DLG2: variants seen among roughly 807,000 people sequenced by gnomAD.
The protein encoded by DLG2 is discs large MAGUK scaffold protein 2.
A neutral mutation model predicts 132.5 loss-of-function variants in DLG2; 45 were observed. That is an observed-to-expected ratio of 0.34 (90% CI 0.27 to 0.44). DLG2 has a LOEUF of 0.44. Among genes scored for constraint, DLG2 ranks in the 20% least tolerant of loss-of-function variants. The pLI is 1.00. For synonymous variants in DLG2, 424 were observed against 419.6 expected (o/e 1.01, Z -0.13); for missense variants, 1,045 against 1,196.9 (o/e 0.87, Z 1.87).
chr11:83,870,059 A>T (rs2063136369), intron 16 of DLG2, among the ~76,000 whole-genome samples: 1 of 152,190 alleles, frequency 6.6e-6, no homozygotes, highest in Non-Finnish European at 1.5e-5. Context: ...ATCCCTTAAA[A>T]TTCAATTTGT....
At chr11:84,571,473 G>T (rs990729676) in intron 6 of DLG2, among the ~76,000 whole-genome samples, 1 of 151,870 alleles carries the variant, frequency 6.6e-6, no homozygotes, top group Non-Finnish European at 1.5e-5. Context: ...AAAATGAACT[G>T]CTATTTATGA....
At chr11:85,379,033 A>G (rs554529464) in intron 3 of DLG2, among the ~76,000 whole-genome samples, 1 of 152,200 alleles carries the variant, frequency 6.6e-6, no homozygotes, top group Non-Finnish European at 1.5e-5. Flanking sequence ...CAAATAATAC[A>G]TAACTTCAGA....
chr11:84,972,099 C>G (rs1440256481), intron 6 of DLG2, among the ~76,000 whole-genome samples: 2 of 152,046 alleles, frequency 1.3e-5, no homozygotes, highest in Admixed American at 6.6e-5. Flanking sequence ...AACACACACA[C>G]ACTGTTTTAA....
chr11:84,643,395 A>G (rs958423722), intron 6 of DLG2, among the ~76,000 whole-genome samples: 1 of 152,230 alleles, frequency 6.6e-6, no homozygotes, highest in African/African-American at 2.4e-5. Context: ...GCTTCAGAGC[A>G]TGGGATGTAG....
At chr11:83,570,668 G>C (rs1456537883) in intron 19 of DLG2, among the ~76,000 whole-genome samples, 1 of 152,156 alleles carries the variant, frequency 6.6e-6, no homozygotes, top group Non-Finnish European at 1.5e-5. Context: ...CTATGGATGA[G>C]AGTGGGCAGA....
At chr11:85,401,063 G>T (rs895705982) in intron 3 of DLG2, among the ~76,000 whole-genome samples, 1 of 151,728 alleles carries the variant, frequency 6.6e-6, no homozygotes, top group Non-Finnish European at 1.5e-5. Flanking sequence ...CAATAACCCT[G>T]ATGAACATTG....
At chr11:84,630,875 T>C (rs1328979467) in intron 6 of DLG2, among the ~76,000 whole-genome samples, 3 of 152,106 alleles carry the variant, frequency 2.0e-5, no homozygotes, top group Non-Finnish European at 4.4e-5. Flanking sequence ...TAGCATAGCA[T>C]AGCAGCCAGT....
intron 11 of DLG2, among the ~76,000 whole-genome samples, chr11:83,996,689 A>C (rs1052041178): frequency 6.6e-6 from 1 of 152,314 alleles, no homozygotes; most frequent in East Asian, 1.9e-4. Context: ...ACTGGAGATC[A>C]TTATGTTAAG....
chr11:84,547,446 C>A (rs2099392437), intron 6 of DLG2, among the ~76,000 whole-genome samples: 1 of 152,034 alleles, frequency 6.6e-6, no homozygotes. Context: ...CTTTTGTATG[C>A]AAAAAGAATT....
intron 3 of DLG2, among the ~76,000 whole-genome samples, chr11:85,506,363 A>G (rs1377315109): frequency 1.3e-5 from 2 of 152,086 alleles, no homozygotes; most frequent in Non-Finnish European, 2.9e-5. Flanking sequence ...AGTGCTATAA[A>G]TTTCCCTCTA....
At chr11:85,504,527 G>A (rs2093881979) in intron 3 of DLG2, among the ~76,000 whole-genome samples, 2 of 152,110 alleles carry the variant, frequency 1.3e-5, no homozygotes, top group African/African-American at 4.8e-5. Context: ...GGTTGTAGAT[G>A]TGTGGTATTA....
intron 4 of DLG2, among the ~76,000 whole-genome samples, chr11:85,258,794 GT>G (rs1444594821): frequency 6.6e-6 from 1 of 152,162 alleles, no homozygotes; most frequent in Non-Finnish European, 1.5e-5. Context: ...AAGAATCAGT[GT>G]AGGAGAGGGG....
At chr11:83,718,782 T>C (rs945150239) in intron 18 of DLG2, among the ~76,000 whole-genome samples, 5 of 152,062 alleles carry the variant, frequency 3.3e-5, no homozygotes, top group Non-Finnish European at 7.4e-5. Flanking sequence ...GAAGACAATA[T>C]TGAAGAAAAT....
chr11:84,623,186 C>G (rs183331315), intron 6 of DLG2, among the ~76,000 whole-genome samples: 1 of 152,302 alleles, frequency 6.6e-6, no homozygotes, highest in Non-Finnish European at 1.5e-5. Flanking sequence ...TTAATAACTT[C>G]ATCCTGAGTT....
intron 3 of DLG2, among the ~76,000 whole-genome samples, chr11:85,490,468 A>G (rs2093531365): frequency 1.3e-5 from 2 of 152,024 alleles, no homozygotes; most frequent in Non-Finnish European, 2.9e-5. Flanking sequence ...GAACTAAATG[A>G]CAAAAAAATC....
At chr11:85,502,369 T>C (rs1377775728) in intron 3 of DLG2, among the ~76,000 whole-genome samples, 1 of 151,806 alleles carries the variant, frequency 6.6e-6, no homozygotes, top group Non-Finnish European at 1.5e-5. Flanking sequence ...CGTGTATACC[T>C]GTGTAACAAA....
chr11:85,267,296 C>T (rs1013501845), intron 4 of DLG2, among the ~76,000 whole-genome samples: 5 of 152,198 alleles, frequency 3.3e-5, no homozygotes, highest in African/African-American at 7.2e-5. Flanking sequence ...CATGCTGGTA[C>T]CCTGATCTCA....
At chr11:84,322,981 T>A (rs1055433277) in intron 7 of DLG2, among the ~76,000 whole-genome samples, 2 of 152,150 alleles carry the variant, frequency 1.3e-5, no homozygotes, top group East Asian at 3.8e-4. Context: ...GTCACAAATT[T>A]AAAAAATATT....
At chr11:84,714,589 TTCTCTTTCTTTCTCTTTC>T (rs1211842492) in intron 6 of DLG2, among the ~76,000 whole-genome samples, 1 of 125,940 alleles carries the variant, frequency 7.9e-6, no homozygotes, top group East Asian at 2.1e-4. Flanking sequence ...CTCTTTCTCT[TTCTCTTTCTTTCTCTTTC>T]TCTTTCTCTT....
Sources: gnomAD v4.1 joint callset for allele counts (sites outside exome capture counted in the v4.1 genomes callset) on GRCh38, gnomAD v4.1.1 for gene constraint, MANE v1.5 for transcripts, NCBI Gene and HGNC (gene_info 2026-07-23, HGNC 2026-07-21) for gene names.